SNTB1: variants seen among roughly 807,000 people sequenced by gnomAD.
SNTB1 encodes syntrophin beta 1, also known as beta-1-syntrophin.
SNTB1 carries 36 observed loss-of-function variants against 48.9 expected under a neutral mutation model. The ratio of observed to expected loss-of-function variants is 0.74; its 90% CI spans 0.56 to 0.97. The LOEUF (loss-of-function observed/expected upper bound fraction) is 0.97, where lower values mean the gene tolerates loss of function less well. Among genes scored for constraint, SNTB1 ranks in the 50% least tolerant of loss-of-function variants. SNTB1 has a pLI of 0.00. For synonymous variants in SNTB1, 299 were observed against 294.6 expected, an observed-to-expected ratio of 1.01 and a Z score of -0.15; for missense variants, 786 against 703.4, an observed-to-expected ratio of 1.12 and a Z score of -1.33.
chr8:120,621,255 C>A (rs995078282), intron 3 of SNTB1, among the ~76,000 whole-genome samples: 1 of 152,182 alleles, frequency 6.6e-6, no homozygotes, highest in South Asian at 2.1e-4. Flanking sequence ...CCACCATGCC[C>A]GGCCTTTATT....
intron 3 of SNTB1, among the ~76,000 whole-genome samples, chr8:120,615,607 G>A (rs1281558131): frequency 1.3e-5 from 2 of 152,144 alleles, no homozygotes; most frequent in Non-Finnish European, 2.9e-5. Context: ...ACGTGCAAAT[G>A]GCATTATCAT....
intron 4 of SNTB1, among the ~76,000 whole-genome samples, chr8:120,553,216 A>G (rs1815511985): frequency 1.3e-5 from 2 of 152,224 alleles, no homozygotes; most frequent in Admixed American, 6.5e-5. Flanking sequence ...CTCATTGATT[A>G]ATAAAAACAG....
chr8:120,755,219 G>T lies in SNTB1; in HGVS notation c.571+56054C>A, dbSNP rs367967518. Reference sequence around the variant, plus strand: ...GAGAGAGAAGAAAGAGAGAGAGAGGGTTCCATCCAAGGGGATTATAAAAAG... The same window carrying T: ...GAGAGAGAAGAAAGAGAGAGAGAGGTTTCCATCCAAGGGGATTATAAAAAG... On this transcript the variant is annotated intron_variant, in intron 1 of 6. Coordinates refer to ENST00000517992, the MANE Select transcript of SNTB1 (RefSeq NM_021021.4). Among the ~76,000 whole-genome samples, 4 of 151,400 alleles carry T rather than the reference G, an allele frequency of 2.6e-5. 1 individual carries two copies. In the East Asian group the frequency reaches 7.7e-4, roughly 29 times the overall value.
chr8:120,684,397 C>A (rs866896068), intron 2 of SNTB1, among the ~76,000 whole-genome samples: 8 of 152,152 alleles, frequency 5.3e-5, no homozygotes, highest in Non-Finnish European at 1.2e-4. Flanking sequence ...ATTCTTAACT[C>A]ATTCCAGCAT....
intron 2 of SNTB1, among the ~76,000 whole-genome samples, chr8:120,674,295 G>T (rs1274570108): frequency 6.6e-6 from 1 of 152,184 alleles, no homozygotes; most frequent in Non-Finnish European, 1.5e-5. Context: ...AGTTCATCCA[G>T]CCATCTATCC....
At chr8:120,640,591 A>C (rs1290728323) in intron 2 of SNTB1, among the ~76,000 whole-genome samples, 3 of 152,106 alleles carry the variant, frequency 2.0e-5, no homozygotes, top group Non-Finnish European at 1.5e-5. Context: ...AGCATGAAGG[A>C]CTGTTGAATT....
At chr8:120,660,537 T>A (rs1158719607) in intron 2 of SNTB1, among the ~76,000 whole-genome samples, 1 of 152,218 alleles carries the variant, frequency 6.6e-6, no homozygotes. Flanking sequence ...AATGTGGTGG[T>A]TGGTTTGATC....
chr8:120,722,205 T>C (rs1321003980), intron 1 of SNTB1, among the ~76,000 whole-genome samples: 5 of 152,220 alleles, frequency 3.3e-5, no homozygotes, highest in Non-Finnish European at 7.3e-5. Flanking sequence ...ACAATAAACA[T>C]ACGTGCACAT....
At chr8:120,658,028 A>G (rs1223471101) in intron 2 of SNTB1, among the ~76,000 whole-genome samples, 2 of 152,224 alleles carry the variant, frequency 1.3e-5, no homozygotes, top group East Asian at 1.9e-4. Flanking sequence ...GTGCTTCAAC[A>G]TAATAACAGT....
intron 2 of SNTB1, among the ~76,000 whole-genome samples, chr8:120,663,284 A>G (rs1179594882): frequency 2.0e-5 from 3 of 152,208 alleles, no homozygotes; most frequent in Admixed American, 6.5e-5. Flanking sequence ...ATGAAGAGGA[A>G]AAGTTAACTA....
chr8:120,750,680 T>C (rs566920320), intron 1 of SNTB1, among the ~76,000 whole-genome samples: 10 of 151,486 alleles, frequency 6.6e-5, no homozygotes, highest in Non-Finnish European at 1.3e-4. Flanking sequence ...TCTGTTTAAA[T>C]GAAATTGACT....
intron 1 of SNTB1, among the ~76,000 whole-genome samples, chr8:120,740,137 GA>G (rs528549736): frequency 1.1e-4 from 16 of 152,300 alleles, no homozygotes; most frequent in African/African-American, 3.8e-4. Flanking sequence ...AGAGCTGGAA[GA>G]AAAGTGATGC....
rs182296911 is a variant in SNTB1 at position 120,743,438 on chromosome 8, G to T, written c.572-49530C>A. ...GCATTACTCATGTTAACTGATATCC[G>T]CAATGCAGGCAGGAGTGATCGGACT... On this transcript the variant is annotated intron_variant, in intron 1 of 6. Transcript: ENST00000517992. 1.4e-4 allele frequency among the ~76,000 whole-genome samples: 22 copies of T among 152,212 alleles called. No homozygotes were observed. In the East Asian group the frequency reaches 4.2e-3, roughly 29 times the overall value.
intron 1 of SNTB1, among the ~76,000 whole-genome samples, chr8:120,809,838 G>A (rs768745530): frequency 2.0e-5 from 3 of 152,058 alleles, no homozygotes; most frequent in South Asian, 2.1e-4. Flanking sequence ...TGAAGACATC[G>A]CAAATCCTCT....
chr8:120,634,551 C>T (rs1270963180), intron 2 of SNTB1, among the ~76,000 whole-genome samples: 1 of 152,150 alleles, frequency 6.6e-6, no homozygotes, highest in Non-Finnish European at 1.5e-5. Context: ...CGATGCCTCT[C>T]CTTGAGATTG....
chr8:120,561,474 G>A (rs957724458), intron 4 of SNTB1, among the ~76,000 whole-genome samples: 3 of 152,024 alleles, frequency 2.0e-5, no homozygotes, highest in African/African-American at 7.2e-5. Context: ...ATATTCTCAC[G>A]TCATGACAGT....
At chr8:120,777,359 C>T (rs1005394353) in intron 1 of SNTB1, among the ~76,000 whole-genome samples, 4 of 152,146 alleles carry the variant, frequency 2.6e-5, no homozygotes, top group Non-Finnish European at 5.9e-5. Context: ...CATTTTTCAG[C>T]CAATGCCTCC....
chr8:120,598,222 G>T (rs1327108319), intron 3 of SNTB1, among the ~76,000 whole-genome samples: 1 of 152,134 alleles, frequency 6.6e-6, no homozygotes, highest in Non-Finnish European at 1.5e-5. Flanking sequence ...CCTCCAGGAA[G>T]AGTCTCAATT....
chr8:120,668,960 G>A (rs957706578), intron 2 of SNTB1, among the ~76,000 whole-genome samples: 7 of 152,190 alleles, frequency 4.6e-5, no homozygotes, highest in Admixed American at 3.3e-4. Flanking sequence ...AGAAAATGAA[G>A]CTTCAAACGG....
Sources: allele counts gnomAD v4.1 joint callset (sites outside exome capture counted in the v4.1 genomes callset), GRCh38; gene constraint gnomAD v4.1.1; transcripts MANE v1.5; gene names NCBI Gene and HGNC (gene_info 2026-07-23, HGNC 2026-07-21).